RIN2: variants seen among roughly 807,000 people sequenced by gnomAD.
RIN2 encodes RAB5 interacting protein 2.
A neutral mutation model predicts 78.0 loss-of-function variants in RIN2; 36 were observed. The observed-to-expected ratio is 0.46, with a 90% confidence interval of 0.35 to 0.61. The LOEUF is 0.61. RIN2 is among the 20% of genes least tolerant of loss of function. The pLI is 0.00. For synonymous variants in RIN2, 466 were observed against 466.8 expected (o/e 1.00, Z 0.02); for missense variants, 1,087 against 1,159.7 (o/e 0.94, Z 0.91).
chr20:19,857,979 G>A (rs560036892), intron 2 of RIN2, among the ~76,000 whole-genome samples: 14 of 152,258 alleles, frequency 9.2e-5, no homozygotes, highest in Admixed American at 7.2e-4. Flanking sequence ...ATTCTAGCCA[G>A]AAGTTATTTG....
intron 9 of RIN2, among the ~76,000 whole-genome samples, chr20:19,983,801 G>A (rs2042537958): frequency 1.3e-5 from 2 of 152,112 alleles, no homozygotes; most frequent in Admixed American, 1.3e-4. Flanking sequence ...AACCCAATAG[G>A]TAATTTTTCC....
chr20:19,824,628 T>C (rs1006279888), intron 2 of RIN2, among the ~76,000 whole-genome samples: 1 of 152,070 alleles, frequency 6.6e-6, no homozygotes, highest in African/African-American at 2.4e-5. Flanking sequence ...GAGACCTGGA[T>C]CCTCCCTGTG....
At chr20:19,859,909 C>G (rs2037281947) in intron 2 of RIN2, among the ~76,000 whole-genome samples, 1 of 152,124 alleles carries the variant, frequency 6.6e-6, no homozygotes, top group Non-Finnish European at 1.5e-5. Flanking sequence ...AGAAGCATCA[C>G]TGGGGGATCT....
intron 4 of RIN2, among the ~76,000 whole-genome samples, chr20:19,937,772 C>G (rs2040705379): frequency 6.6e-6 from 1 of 152,214 alleles, no homozygotes; most frequent in Admixed American, 6.5e-5. Flanking sequence ...GGCATAGGTG[C>G]TTCTGTTTTA....
At chr20:19,996,911 C>T in intron 12 of RIN2, 69 bp downstream of exon 12, 19 of 1,452,774 alleles carry the variant, frequency 1.3e-5, no homozygotes, top group Non-Finnish European at 1.8e-5. Flanking sequence ...CCCAGCACAT[C>T]CCAGCTCAGA....
chr20:19,790,362 C>T (rs2034849446), intron 1 of RIN2, among the ~76,000 whole-genome samples: 1 of 152,192 alleles, frequency 6.6e-6, no homozygotes, highest in South Asian at 2.1e-4. Context: ...GCAGCTATTA[C>T]TCCACTTGGC....
intron 2 of RIN2, chr20:19,889,130 G>T: frequency 2.0e-6 from 2 of 985,448 alleles, no homozygotes; most frequent in Non-Finnish European, 2.4e-6. Flanking sequence ...GCAGAGCTAA[G>T]GATGACCTCA....
Position 19,844,601 on chromosome 20 carries a change from C to CTCCTCT in RIN2, c.-37+44856_-37+44857insCTCTTC, listed in dbSNP as rs1208033131. Among the ~76,000 whole-genome samples, 97 of 123,134 alleles carry CTCCTCT rather than the reference C, an allele frequency of 7.9e-4. 2 individuals are homozygous for CTCCTCT. Among genetic ancestry groups the CTCCTCT allele is most frequent in the Admixed American group, 1.1e-3 (13 of 11,968 alleles). The allele number at this position is 123,134 out of a possible 152,430, so 80.8% of individuals were successfully genotyped here. On this transcript the variant is annotated intron_variant, in intron 2 of 12. Coordinates refer to ENST00000255006, the MANE Select transcript of RIN2 (RefSeq NM_018993.4). ...CTGCTGCTGCTGCTGCTGCTTCTTCCTCTTCTTCTTCTTCTTCTTCTTCTT... is the reference window on the plus strand; with the variant it reads ...CTGCTGCTGCTGCTGCTGCTTCTTCCTCCTCTTCTTCTTCTTCTTCTTCTTCTTCTT...
chr20:19,954,279 T>C (rs2041444349), intron 4 of RIN2, among the ~76,000 whole-genome samples: 1 of 152,240 alleles, frequency 6.6e-6, no homozygotes, highest in Non-Finnish European at 1.5e-5. Context: ...TTCTCAGTGC[T>C]AAATACATTA....
At chr20:19,996,409 C>T (rs2042967212) in intron 11 of RIN2, among the ~76,000 whole-genome samples, 1 of 152,136 alleles carries the variant, frequency 6.6e-6, no homozygotes. Context: ...CATTGAAAAA[C>T]AGGAACCTTG....
At chr20:19,815,337 G>A (rs1353365080) in intron 2 of RIN2, among the ~76,000 whole-genome samples, 2 of 152,138 alleles carry the variant, frequency 1.3e-5, no homozygotes, top group Non-Finnish European at 2.9e-5. Flanking sequence ...TTAAAAGTTC[G>A]ATAGTAGTCA....
chr20:19,947,968 T>G (rs930801409), intron 4 of RIN2, among the ~76,000 whole-genome samples: 5 of 152,220 alleles, frequency 3.3e-5, no homozygotes, highest in Non-Finnish European at 5.9e-5. Context: ...GGCCAGGGTT[T>G]GGGGAACTGA....
chr20:19,813,825 A>T (rs917855819), intron 2 of RIN2, among the ~76,000 whole-genome samples: 1 of 152,234 alleles, frequency 6.6e-6, no homozygotes, highest in Admixed American at 6.5e-5. Flanking sequence ...ATTACCAAAA[A>T]TACTGAAAAA....
At chr20:19,891,042 T>C (rs548878521) in intron 3 of RIN2, among the ~76,000 whole-genome samples, 1 of 152,342 alleles carries the variant, frequency 6.6e-6, no homozygotes, top group East Asian at 1.9e-4. Flanking sequence ...GTGTAGACAT[T>C]TCCTGCAACA....
chr20:19,835,083 AAG>A lies in RIN2; in HGVS notation c.-37+35340_-37+35341del, dbSNP rs386393489. Among the ~76,000 whole-genome samples the A allele has an allele frequency of 9.1e-3, 1,265 of 139,664 alleles. 16 individuals are homozygous for A. The highest frequency in any genetic ancestry group is 0.028 in the African/African-American group (1,117 of 40,574). 91.6% of individuals were successfully genotyped at this position (139,664 alleles called of 152,430 possible). A position where few individuals can be genotyped will look rare whatever the true frequency, so the allele number is the denominator to read the frequency against. On this transcript the variant is annotated intron_variant, in intron 2 of 12. Transcript: ENST00000255006. Reference sequence around the variant, plus strand: ...AAAGAGAAAAAGAGAAAGAGAAAGAAAGAGAAAAAGAAAGAAGAAAGAAAGAA... The same window carrying A: ...AAAGAGAAAAAGAGAAAGAGAAAGAAAGAAAAAGAAAGAAGAAAGAAAGAA...
At chr20:19,826,822 C>T (rs1289511639) in intron 2 of RIN2, among the ~76,000 whole-genome samples, 1 of 152,120 alleles carries the variant, frequency 6.6e-6, no homozygotes, top group Non-Finnish European at 1.5e-5. Flanking sequence ...TTCTTGTCAT[C>T]CTCTTAGGCA....
At chr20:19,773,908 TA>T (rs1443832572) in intron 1 of RIN2, among the ~76,000 whole-genome samples, 1 of 148,228 alleles carries the variant, frequency 6.7e-6, no homozygotes, top group Non-Finnish European at 1.5e-5. Flanking sequence ...TATTATAAAA[TA>T]TTATATATAT....
intron 5 of RIN2, among the ~76,000 whole-genome samples, chr20:19,958,446 A>G (rs1015877113): frequency 2.0e-5 from 3 of 152,274 alleles, no homozygotes; most frequent in African/African-American, 7.2e-5. Context: ...TGAAACCTGC[A>G]TGGGAAACAA....
intron 2 of RIN2, among the ~76,000 whole-genome samples, chr20:19,871,010 A>G (rs568099071): frequency 1.5e-4 from 23 of 152,324 alleles, no homozygotes; most frequent in African/African-American, 5.5e-4. Flanking sequence ...CTTCAAGCCA[A>G]TTTGAATGGG....
Sources: gnomAD v4.1 joint callset for allele counts (sites outside exome capture counted in the v4.1 genomes callset) on GRCh38, gnomAD v4.1.1 for gene constraint, MANE v1.5 for transcripts, NCBI Gene and HGNC (gene_info 2026-07-23, HGNC 2026-07-21) for gene names.